Variants in GMEB2 observed in about 807,000 individuals in gnomAD.
GMEB2 encodes glucocorticoid modulatory element binding protein 2.
GMEB2 carries 7 observed loss-of-function variants against 45.7 expected under a neutral mutation model. The ratio of observed to expected loss-of-function variants is 0.15; its 90% CI spans 0.09 to 0.29. The LOEUF is 0.29. Ranked by LOEUF, GMEB2 falls within the 10% of genes least tolerant of loss-of-function variation. The pLI is 1.00. For synonymous variants in GMEB2, 322 were observed against 323.6 expected (o/e 1.00, Z 0.05); for missense variants, 582 against 739.2 (o/e 0.79, Z 2.47).
intron 4 of GMEB2, among the ~76,000 whole-genome samples, chr20:63,598,336 T>TGA (rs2083215095): frequency 1.0e-5 from 1 of 96,892 alleles, no homozygotes; most frequent in African/African-American, 3.5e-5. Context: ...GCACCTGCTC[T>TGA]CACTCTGACA....
chr20:63,626,357 A>G (rs1164445159), intron 1 of GMEB2, among the ~76,000 whole-genome samples: 4 of 33,880 alleles, frequency 1.2e-4, no homozygotes, highest in Admixed American at 3.6e-4. Flanking sequence ...GCCCCTGGGA[A>G]TCGCGTCCCT....
chr20:63,616,092 TG>T, intron 2 of GMEB2, among the ~76,000 whole-genome samples: 1 of 152,320 alleles, frequency 6.6e-6, no homozygotes, highest in South Asian at 2.1e-4. Flanking sequence ...GTAATAAAAA[TG>T]GTTATATTTA....
Position 63,593,226 on chromosome 20 carries a change from C to T in GMEB2, c.620-144G>A, listed in dbSNP as rs2083165418. ...GACAAACACAGGATACGCACTAGTA[C>T]AGCCAAAGTGTACCTGCCTTATATT... is the stretch of plus-strand genomic sequence containing the variant. On this transcript the variant is annotated intron_variant, in intron 6 of 9. Coordinates refer to ENST00000370077, the MANE Select transcript of GMEB2 (RefSeq NM_012384.5). This position sits in a 1 kb window ranked among gnomAD's most constrained non-coding sequence, Gnocchi z 4.7. 3.2e-6 allele frequency: 2 copies of T among 627,352 alleles called. No homozygotes were observed. Among genetic ancestry groups the T allele is most frequent in the South Asian group, 3.6e-5 (2 of 55,174 alleles). 38.9% of individuals were successfully genotyped at this position (627,352 alleles called of 1,614,324 possible).
At chr20:63,598,615 C>T (rs1229572647) in intron 4 of GMEB2, among the ~76,000 whole-genome samples, 2 of 152,158 alleles carry the variant, frequency 1.3e-5, no homozygotes, top group African/African-American at 2.4e-5. Flanking sequence ...ACCCCCGGGC[C>T]GTGCCCAAGT....
intron 9 of GMEB2, among the ~76,000 whole-genome samples, chr20:63,590,956 ACCCAGGGTCTGCACTGACCCGGGG>A (rs2146041774): frequency 6.6e-6 from 1 of 152,102 alleles, no homozygotes; most frequent in Non-Finnish European, 1.5e-5. Context: ...GCCTGTGCTG[ACCCAGGGTCTGCACTGACCCGGGG>A]CCTGTGTGCA....
intron 4 of GMEB2, among the ~76,000 whole-genome samples, chr20:63,600,125 C>A (rs1313183308): frequency 6.6e-6 from 1 of 152,038 alleles, no homozygotes; most frequent in Non-Finnish European, 1.5e-5. Flanking sequence ...TCACTGCAAC[C>A]TCCGCCTCCC....
chr20:63,614,328 G>A (rs1056168335), intron 2 of GMEB2, among the ~76,000 whole-genome samples: 1 of 152,170 alleles, frequency 6.6e-6, no homozygotes, highest in African/African-American at 2.4e-5. Context: ...GGAGCTGAGG[G>A]GACATAGTGA....
At chr20:63,598,311 G>A (rs375679068) in intron 4 of GMEB2, among the ~76,000 whole-genome samples, 21 of 150,194 alleles carry the variant, frequency 1.4e-4, no homozygotes, top group East Asian at 1.2e-3. Context: ...ACCTTGCCCC[G>A]TGCAGCAAAC....
chr20:63,598,805 C>T (rs2083219599), intron 4 of GMEB2, among the ~76,000 whole-genome samples: 1 of 152,194 alleles, frequency 6.6e-6, no homozygotes, highest in Non-Finnish European at 1.5e-5. Flanking sequence ...ACTGTCGGAG[C>T]CTGGCAGGAA....
chr20:63,625,996 G>T (rs1281167297), intron 1 of GMEB2, among the ~76,000 whole-genome samples: 1 of 152,246 alleles, frequency 6.6e-6, no homozygotes, highest in African/African-American at 2.4e-5. Context: ...GAGAATTCTG[G>T]TTCAACAGAA....
At chr20:63,624,750 C>T (rs548801558) in intron 1 of GMEB2, among the ~76,000 whole-genome samples, 5 of 152,366 alleles carry the variant, frequency 3.3e-5, no homozygotes, top group Admixed American at 6.5e-5. Flanking sequence ...CTCTGTAGCC[C>T]AGGTTGGACT....
intron 9 of GMEB2, 129 bp from the exon 10 acceptor site, chr20:63,590,858 T>G (rs1291170): frequency 0.54 from 269,368 of 499,562 alleles, 76,651 homozygotes; most frequent in Middle Eastern, 0.62. Flanking sequence ...TCTGCTCACC[T>G]GATGCCACAA....
intron 2 of GMEB2, among the ~76,000 whole-genome samples, chr20:63,617,336 T>G (rs1342280059): frequency 1.3e-5 from 2 of 152,064 alleles, no homozygotes; most frequent in Non-Finnish European, 2.9e-5. Flanking sequence ...CTCTCCATCA[T>G]GAGGACACAG....
At chr20:63,622,648 G>A (rs1422341732) in intron 1 of GMEB2, among the ~76,000 whole-genome samples, 1 of 152,068 alleles carries the variant, frequency 6.6e-6, no homozygotes, top group Non-Finnish European at 1.5e-5. Context: ...CAACTCCAAG[G>A]TAAAGGGCCA....
chr20:63,599,877 C>T (rs775694130), intron 4 of GMEB2, among the ~76,000 whole-genome samples: 3 of 152,130 alleles, frequency 2.0e-5, no homozygotes, highest in Non-Finnish European at 4.4e-5. Flanking sequence ...GCAGAGACGT[C>T]GGGCCCCTGG....
rs772250346 is a variant in GMEB2, at chr20:63,593,067, G to A, written c.635C>T (p.Ala212Val). The change falls in exon 7 of 10, where the codon GCG becomes GTG. Residue 212 changes from alanine (A) to valine (V), a missense_variant. Ala to Val is a moderately conservative substitution (Grantham distance 64). This residue lies in a region of GMEB2 where 462 missense variants were observed against 586.7 expected (regional missense o/e 0.79). Transcript: ENST00000370077. This position sits in a 1 kb window ranked among gnomAD's most constrained non-coding sequence, Gnocchi z 4.7. ...PAAADVNGSP[A>V]TITIETCEDP... ...TTCACAGGTCTCTATGGTGATGGTC[G>A]CAGGAGACCCATTCACTGCAGCCGA... The A allele has an allele frequency of 7.5e-6, 12 of 1,609,910 alleles. No homozygotes were observed. Among genetic ancestry groups the A allele is most frequent in the Non-Finnish European group, 7.6e-6 (9 of 1,177,024 alleles).
rs1569047944 is a variant in GMEB2, at chr20:63,592,939, T to A, written c.691+72A>T. 1.0e-6 allele frequency: 1 copy of A among 998,428 alleles called. No homozygotes were observed. The highest frequency in any genetic ancestry group is 2.5e-5 in the East Asian group (1 of 39,288). 61.8% of individuals were successfully genotyped at this position (998,428 alleles called of 1,614,324 possible). The stretch of plus-strand genomic sequence containing the variant: ...CACCTGGACTCCTGGAGCCCCTGTG[T>A]GGCCCGAGGTGGGCAGAGACTCCAC... On this transcript the variant is annotated intron_variant, in intron 7 of 9. Transcript: ENST00000370077. This position sits in a 1 kb window ranked among gnomAD's most constrained non-coding sequence, Gnocchi z 8.2.
chr20:63,604,587 C>A (rs960982529), intron 3 of GMEB2, among the ~76,000 whole-genome samples, 156 bp downstream of exon 3: 2 of 152,152 alleles, frequency 1.3e-5, no homozygotes, highest in East Asian at 3.9e-4. Flanking sequence ...CCTGGGGGAC[C>A]TGGGGCCTGG....
intron 2 of GMEB2, among the ~76,000 whole-genome samples, chr20:63,606,075 T>TAC (rs2089516852): frequency 6.6e-6 from 1 of 152,142 alleles, no homozygotes; most frequent in Admixed American, 6.5e-5. Flanking sequence ...CCACAATAAT[T>TAC]ACTTCATATG....
Sources: allele counts gnomAD v4.1 joint callset (sites outside exome capture counted in the v4.1 genomes callset), GRCh38; gene constraint gnomAD v4.1.1; regional missense constraint gnomAD v4.1.1; non-coding constraint Gnocchi (gnomAD v3.1); transcripts MANE v1.5; gene names NCBI Gene and HGNC (gene_info 2026-07-23, HGNC 2026-07-21).